PLA2G6: variants seen among roughly 807,000 people sequenced by gnomAD.
PLA2G6 encodes 85/88 kDa calcium-independent phospholipase A2.
In PLA2G6, 62 loss-of-function variants were observed where a neutral mutation model predicts 83.8. The ratio of observed to expected loss-of-function variants is 0.74; its 90% CI spans 0.60 to 0.91. PLA2G6 has a LOEUF of 0.91. Ranked by LOEUF, PLA2G6 falls within the 40% of genes least tolerant of loss-of-function variation. The pLI, the probability that PLA2G6 is intolerant of heterozygous loss-of-function variation, is 0.00. For missense variants in PLA2G6, 944 were observed against 1,102.0 expected (o/e 0.86, Z 2.03); for synonymous variants, 417 against 449.8 (o/e 0.93, Z 0.92).
chr22:38,122,982 T>C (rs983707463), intron 11 of PLA2G6, 113 bp downstream of exon 11: 17 of 1,056,244 alleles, frequency 1.6e-5, no homozygotes, highest in Non-Finnish European at 2.4e-5. Flanking sequence ...AAAGTGCTTA[T>C]AGCCCTCCTC....
intron 14 of PLA2G6, among the ~76,000 whole-genome samples, chr22:38,115,234 T>G (rs2087117770): frequency 1.3e-5 from 2 of 152,142 alleles, no homozygotes; most frequent in African/African-American, 4.8e-5. Context: ...GGCAAGCATG[T>G]GTCCTGTCCC....
At chr22:38,142,851 T>G (rs1392380326) in intron 4 of PLA2G6, 2 of 537,196 alleles carry the variant, frequency 3.7e-6, no homozygotes, top group South Asian at 1.9e-5. Flanking sequence ...GGGCCTTTTT[T>G]GGGGTTTATT....
At position 38,159,725 on chromosome 22, in the gene PLA2G6, A is replaced by AAAGGAAGGAAGGAAGG. The variant is rs56181861; in HGVS notation, c.209+9477_209+9492dup. On this transcript the variant is annotated intron_variant, in intron 2 of 16. Coordinates refer to ENST00000332509, the MANE Select transcript of PLA2G6 (RefSeq NM_003560.4). ...GGCCTGGGTGAGAGAGAGATAGATGAAAGGAAGGAAGGAAGGAAGGAAGGA... is the reference window on the plus strand; with the variant it reads ...GGCCTGGGTGAGAGAGAGATAGATGAAAGGAAGGAAGGAAGGAAGGAAGGAAGGAAGGAAGGAAGGA... Among the ~76,000 whole-genome samples the AAAGGAAGGAAGGAAGG allele has an allele frequency of 8.6e-3, 1,225 of 143,180 alleles. 24 individuals carry two copies. Among genetic ancestry groups the AAAGGAAGGAAGGAAGG allele is most frequent in the East Asian group, 0.025 (121 of 4,898 alleles). The allele number at this position is 143,180 out of a possible 152,430, so 93.9% of individuals were successfully genotyped here.
At chr22:38,148,225 C>A (rs1176633611) in intron 2 of PLA2G6, 1 of 389,758 alleles carries the variant, frequency 2.6e-6, no homozygotes, top group Non-Finnish European at 4.8e-6. Context: ...ATGTGAGAAT[C>A]TGAAGATTGC....
rs755725004 is a variant in PLA2G6 at position 38,132,928 on chromosome 22, C to T, written c.980G>A (p.Arg327His). 5.8e-6 allele frequency: 9 copies of T among 1,559,088 alleles called. No homozygotes were observed. The highest frequency in any genetic ancestry group is 2.4e-5 in the East Asian group (1 of 41,630). The change falls in exon 7 of 17, where the codon CGC becomes CAC. Residue 327 changes from arginine (R) to histidine (H), a missense_variant. Arg to His is a conservative substitution (Grantham distance 29). Coordinates refer to ENST00000332509, the MANE Select transcript of PLA2G6 (RefSeq NM_003560.4). The surrounding 1 kb of genome is among the most constrained non-coding windows in gnomAD (Gnocchi z 5.0). ...GNTALHVAVM[R>H]NRFDCAIVLL... ...CACTATGGCACAGTCGAAGCGGTTG[C>T]GCATCACCGCCACGTGCAGGGCCGT...
intron 2 of PLA2G6, among the ~76,000 whole-genome samples, chr22:38,166,235 A>G (rs1031423891): frequency 6.6e-6 from 1 of 151,944 alleles, no homozygotes; most frequent in African/African-American, 2.4e-5. Flanking sequence ...GAGGAGGGGG[A>G]GATTGACCTT....
In PLA2G6 at chr22:38,143,229, T is replaced by C. The variant is rs2089027361; in HGVS notation, c.485A>G (p.Lys162Arg). 1 of 1,614,104 alleles carries C rather than the reference T, an allele frequency of 6.2e-7. No individual in the cohort carries two copies. The highest frequency in any genetic ancestry group is 2.2e-5 in the East Asian group (1 of 44,882). Reference sequence around the variant, plus strand: ...CTCCACCAGGATCTCCCCATCACCCTTGCGGCAGGCCAGGTGCAGGGGTGT... The same window carrying C: ...CTCCACCAGGATCTCCCCATCACCCCTGCGGCAGGCCAGGTGCAGGGGTGT... Reference protein sequence around the residue: ...GCTPLHLACRKGDGEILVELV... With the variant: ...GCTPLHLACRRGDGEILVELV... The change falls in exon 4 of 17, where the codon AAG becomes AGG. Residue 162 changes from lysine (K) to arginine (R), a missense_variant. By Grantham distance (26) the Lys-to-Arg change is conservative. Coordinates refer to ENST00000332509, the MANE Select transcript of PLA2G6 (RefSeq NM_003560.4).
intron 3 of PLA2G6, 146 bp downstream of exon 3, chr22:38,145,292 G>C: frequency 1.4e-6 from 1 of 737,682 alleles, no homozygotes. Flanking sequence ...GCCTCCCAAA[G>C]TGCTGGGACT....
Position 38,128,319 on chromosome 22 carries a change from G to A in PLA2G6, c.1298C>T (p.Pro433Leu), listed in dbSNP as rs767344666. 3.1e-6 allele frequency: 5 copies of A among 1,613,320 alleles called. No individual in the cohort carries two copies. The highest frequency in any genetic ancestry group is 1.9e-4 in the Middle Eastern group (1 of 5,360). Residue 433 changes from proline to leucine, a missense_variant, in exon 9 of 17, where the codon CCC becomes CTC. Physicochemically the swap from Pro to Leu is moderately conservative, Grantham distance 98. Transcript: ENST00000332509. This position sits in a 1 kb window ranked among gnomAD's most constrained non-coding sequence, Gnocchi z 4.4. ...AEQGSAAPHH[P>L]FSLERAQPPP... ...GGGCTGAGCTCTTTCCAGGGAGAAG[G>A]GATGATGTGGCGCTGCAGAGCCCTG... is the stretch of plus-strand genomic sequence containing the variant.
At position 38,181,475 on chromosome 22, in the gene PLA2G6, C is replaced by T. The variant is rs775033938; in HGVS notation, c.-46+189G>A. 1.9e-4 allele frequency among the ~76,000 whole-genome samples: 29 copies of T among 152,010 alleles called. 1 individual carries two copies. The highest frequency in any genetic ancestry group is 2.4e-4 in the Non-Finnish European group (16 of 68,008). On this transcript the variant is annotated intron_variant, in intron 1 of 16. Transcript: ENST00000332509. ...GGATTGACTCGGGAAGTTAGGGATA[C>T]TGAGGGAGACACACGGAGGAGACTG...
In PLA2G6 at chr22:38,129,553, C is replaced by A; in HGVS notation, c.1087G>T (p.Val363Leu). ...PLHLAMSKDN[V>L]EMIKALIVFG... Reference sequence around the variant, plus strand: ...ACGATGAGGGCCTTGATCATCTCCACGTTGTCTTTCTGTTGGAGATGGAGA... The same window carrying A: ...ACGATGAGGGCCTTGATCATCTCCAAGTTGTCTTTCTGTTGGAGATGGAGA... Residue 363 changes from valine (V) to leucine (L), a missense_variant, in exon 8 of 17, where the codon GTG (valine) becomes TTG (leucine). Transcript: ENST00000332509. The A allele has an allele frequency of 6.2e-7, 1 of 1,612,540 alleles. No individual in the cohort carries two copies. The highest frequency in any genetic ancestry group is 8.5e-7 in the Non-Finnish European group (1 of 1,178,560).
At chr22:38,127,483 G>A (rs1241487010) in intron 9 of PLA2G6, 3 of 1,298,356 alleles carry the variant, frequency 2.3e-6, no homozygotes, top group Non-Finnish European at 3.1e-6. Flanking sequence ...GATAAAGATG[G>A]GAGGTGGAGG....
At position 38,112,558 on chromosome 22, in the gene PLA2G6, C is replaced by T. The variant is rs121908686; in HGVS notation, c.2222G>A (p.Arg741Gln). 59 of 1,553,238 alleles carry T rather than the reference C, an allele frequency of 3.8e-5. No homozygotes were observed. In the South Asian group the frequency reaches 4.4e-4, roughly 12 times the overall value. ...CCAGGCCCGTGCCCGGTCCACAGCCCGCCCGTCTGGATCCGTGCACTGGTG... is the reference window on the plus strand; with the variant it reads ...CCAGGCCCGTGCCCGGTCCACAGCCTGCCCGTCTGGATCCGTGCACTGGTG... Reference protein sequence around the residue: ...VVDCCTDPDGRAVDRARAWCE... With the variant: ...VVDCCTDPDGQAVDRARAWCE... Residue 741 changes from arginine (R) to glutamine (Q), a missense_variant, in exon 16 of 17, where the codon CGG (arginine) becomes CAG (glutamine). Physicochemically the swap from Arg to Gln is conservative, Grantham distance 43. Coordinates refer to ENST00000332509, the MANE Select transcript of PLA2G6 (RefSeq NM_003560.4).
In PLA2G6 at chr22:38,113,600, T is replaced by A. The variant is rs148494213; in HGVS notation, c.2089A>T (p.Arg697Trp). 1 of 1,613,286 alleles carries A rather than the reference T, an allele frequency of 6.2e-7. No individual in the cohort carries two copies. Among genetic ancestry groups the A allele is most frequent in the African/African-American group, 1.3e-5 (1 of 74,902 alleles). Reference sequence around the variant, plus strand: ...CAGGTCACAGGCACTTGTGGGGACCTCCCTGTCCCCAGGGAGACAACGATG... The same window carrying A: ...CAGGTCACAGGCACTTGTGGGGACCACCCTGTCCCCAGGGAGACAACGATG... ...LSIVVSLGTGRSPQVPVTCVD... is the reference protein window; with the variant it reads ...LSIVVSLGTGWSPQVPVTCVD... The change falls in exon 15 of 17, where the codon AGG becomes TGG. Residue 697 changes from arginine (R) to tryptophan (W), a missense_variant. Coordinates refer to ENST00000332509, the MANE Select transcript of PLA2G6 (RefSeq NM_003560.4).
chr22:38,172,873 C>A (rs931201791), intron 1 of PLA2G6, among the ~76,000 whole-genome samples: 3 of 152,228 alleles, frequency 2.0e-5, no homozygotes, highest in Non-Finnish European at 2.9e-5. Context: ...GGGATGCCCC[C>A]CACACACCCA....
rs778133966 is a variant in PLA2G6, at chr22:38,113,792, T to G, written c.2035-138A>C. On this transcript the variant is annotated intron_variant, in intron 14 of 16. Coordinates refer to ENST00000332509, the MANE Select transcript of PLA2G6 (RefSeq NM_003560.4). ...CAAGAGGTCTCTGGTGGCAAGAGCA[T>G]GCCTGGCATGATTTCCAGCCAGCCT... is the stretch of plus-strand genomic sequence containing the variant. 3.8e-6 allele frequency: 3 copies of G among 799,626 alleles called. No individual in the cohort carries two copies. In the African/African-American group the frequency reaches 5.0e-5, roughly 13 times the overall value. The allele number at this position is 799,626 out of a possible 1,614,324, so 49.5% of individuals were successfully genotyped here.
intron 2 of PLA2G6, chr22:38,145,890 T>C (rs1352782657): frequency 3.8e-6 from 2 of 530,536 alleles, no homozygotes; most frequent in East Asian, 3.5e-5. Context: ...CTTTGTTTTT[T>C]AGAGACAAGG....
rs745643715 is a variant in PLA2G6 at position 38,140,022 on chromosome 22, C to T, written c.757G>A (p.Gly253Ser). Residue 253 changes from glycine (G) to serine (S), a missense_variant, in exon 5 of 17, where the codon GGC (glycine) becomes AGC (serine). By Grantham distance (56) the Gly-to-Ser change is moderately conservative. Coordinates refer to ENST00000332509, the MANE Select transcript of PLA2G6 (RefSeq NM_003560.4). ...NARCNIMGPN[G>S]YPIHSAMKFS... ...TTCATGGCCGAGTGGATGGGGTAGCCGTTGGGGCCCATGATGTTGCACCGA... is the reference window on the plus strand; with the variant it reads ...TTCATGGCCGAGTGGATGGGGTAGCTGTTGGGGCCCATGATGTTGCACCGA... 8 of 1,610,648 alleles carry T rather than the reference C, an allele frequency of 5.0e-6. No homozygotes were observed. Among genetic ancestry groups the T allele is most frequent in the East Asian group, 2.2e-5 (1 of 44,820 alleles).
At chr22:38,171,153 CAA>C (rs1342397079) in intron 1 of PLA2G6, among the ~76,000 whole-genome samples, 2 of 126,538 alleles carry the variant, frequency 1.6e-5, no homozygotes, top group African/African-American at 6.0e-5. Flanking sequence ...GCCTGGGCAA[CAA>C]GAGCGAAACT....
Sources: allele counts gnomAD v4.1 joint callset (sites outside exome capture counted in the v4.1 genomes callset), GRCh38; gene constraint gnomAD v4.1.1; non-coding constraint Gnocchi (gnomAD v3.1); transcripts MANE v1.5; gene names NCBI Gene and HGNC (gene_info 2026-07-23, HGNC 2026-07-21).